VDAC1: variants seen among roughly 807,000 people sequenced by gnomAD.
VDAC1 encodes non-selective voltage-gated ion channel VDAC1.
Under a neutral mutation model 34.7 loss-of-function variants are expected in VDAC1, and 10 were observed. The observed-to-expected ratio is 0.29, with a 90% CI of 0.18 to 0.49. The LOEUF is 0.49. VDAC1 is among the 20% of genes least tolerant of loss of function. VDAC1 has a pLI of 0.99. For missense variants in VDAC1, 230 were observed against 347.9 expected (o/e 0.66, Z 2.69); for synonymous variants, 130 against 136.0 (o/e 0.96, Z 0.30).
At chr5:133,979,903 T>C (rs1026889638) in intron 6 of VDAC1, among the ~76,000 whole-genome samples, 2 of 152,228 alleles carry the variant, frequency 1.3e-5, no homozygotes, top group African/African-American at 4.8e-5. Flanking sequence ...TCCATCTCTA[T>C]AGTTTTCCTG....
the VDAC1 span, among the ~76,000 whole-genome samples, chr5:134,086,446 T>A: frequency 6.6e-6 from 1 of 152,092 alleles, no homozygotes; most frequent in Admixed American, 6.5e-5. Flanking sequence ...TCCCCAAGGG[T>A]GCTCGGATAT....
the VDAC1 span, among the ~76,000 whole-genome samples, chr5:134,020,437 C>T: frequency 6.6e-6 from 1 of 152,026 alleles, no homozygotes; most frequent in African/African-American, 2.4e-5. Flanking sequence ...CCAAGGACCC[C>T]ACCCCTTGTA....
chr5:134,034,933 T>C, the VDAC1 span, among the ~76,000 whole-genome samples: 2 of 152,042 alleles, frequency 1.3e-5, no homozygotes, highest in African/African-American at 4.8e-5. Flanking sequence ...ATGGTTTTTA[T>C]GGTAGATGGA....
At chr5:134,017,345 A>T in the VDAC1 span, among the ~76,000 whole-genome samples, 1 of 152,166 alleles carries the variant, frequency 6.6e-6, no homozygotes. Context: ...ACATGCCTGT[A>T]ATCCCAGCTA....
At chr5:133,975,573 G>A (rs981558211) in intron 7 of VDAC1, among the ~76,000 whole-genome samples, 1 of 151,384 alleles carries the variant, frequency 6.6e-6, no homozygotes, top group Non-Finnish European at 1.5e-5. Flanking sequence ...CAATTCTCCT[G>A]CCTCAGCCTC....
chr5:134,096,606 C>CTT, the VDAC1 span, among the ~76,000 whole-genome samples: 2 of 9,826 alleles, frequency 2.0e-4, no homozygotes, highest in Non-Finnish European at 3.5e-4. Flanking sequence ...TTCTCTTCTT[C>CTT]TTTTTTTTAT....
At chr5:134,005,388 A>G (rs951880936), upstream of VDAC1, 2 of 152,188 alleles carry the variant, frequency 1.3e-5, no homozygotes, top group Admixed American at 6.5e-5. Context: ...TCCGGATACA[A>G]TGTGTCTGGC....
chr5:134,057,400 A>G, the VDAC1 span, among the ~76,000 whole-genome samples: 1 of 152,084 alleles, frequency 6.6e-6, no homozygotes, highest in African/African-American at 2.4e-5. Context: ...GAATTGCTAG[A>G]ACCTGGGAGG....
chr5:133,992,785 A>C (rs974758780), intron 2 of VDAC1, among the ~76,000 whole-genome samples, 161 bp downstream of exon 2: 1 of 152,250 alleles, frequency 6.6e-6, no homozygotes, highest in African/African-American at 2.4e-5. Context: ...TGCACAACCA[A>C]AGTTGCTACA....
intron 6 of VDAC1, among the ~76,000 whole-genome samples, chr5:133,979,618 T>C (rs757877418): frequency 1.3e-4 from 20 of 151,994 alleles, no homozygotes; most frequent in Non-Finnish European, 2.1e-4. Flanking sequence ...TTAGTAGAGA[T>C]GGGGTTTCAC....
the VDAC1 span, among the ~76,000 whole-genome samples, chr5:134,093,704 C>T: frequency 6.6e-6 from 1 of 152,216 alleles, no homozygotes; most frequent in Non-Finnish European, 1.5e-5. Flanking sequence ...CGATCAGGCT[C>T]AAAGCAGTGG....
At chr5:134,095,949 C>A in the VDAC1 span, among the ~76,000 whole-genome samples, 1 of 152,210 alleles carries the variant, frequency 6.6e-6, no homozygotes, top group African/African-American at 2.4e-5. Flanking sequence ...GGGAGACAAG[C>A]CCAGAGCCAT....
At chr5:134,040,375 A>G in the VDAC1 span, among the ~76,000 whole-genome samples, 104,230 of 152,104 alleles carry the variant, frequency 0.69, 36,382 homozygotes, top group Admixed American at 0.78. Context: ...AGGAGTTCGA[A>G]ACCAGCCTGG....
the VDAC1 span, among the ~76,000 whole-genome samples, chr5:134,050,218 T>C: frequency 6.6e-5 from 10 of 152,134 alleles, no homozygotes; most frequent in South Asian, 2.1e-4. Flanking sequence ...CATTGCACTC[T>C]AGCCTGGCAA....
the VDAC1 span, among the ~76,000 whole-genome samples, chr5:134,088,088 G>A: frequency 1.3e-5 from 2 of 152,230 alleles, no homozygotes; most frequent in East Asian, 1.9e-4. Flanking sequence ...CCAGGAGGCA[G>A]AGGTTGCAGT....
the VDAC1 span, among the ~76,000 whole-genome samples, chr5:134,024,742 G>C: frequency 6.6e-6 from 1 of 152,362 alleles, no homozygotes; most frequent in African/African-American, 2.4e-5. Context: ...TGTGGTTGCA[G>C]GAACACTGTG....
the VDAC1 span, among the ~76,000 whole-genome samples, chr5:134,102,265 G>A: frequency 6.6e-6 from 1 of 152,114 alleles, no homozygotes; most frequent in Non-Finnish European, 1.5e-5. Flanking sequence ...AGGGTCATCC[G>A]GGGCCAGTGC....
chr5:133,998,092 A>C (rs556752631), intron 1 of VDAC1, among the ~76,000 whole-genome samples: 47 of 151,918 alleles, frequency 3.1e-4, no homozygotes, highest in Admixed American at 4.6e-4. Flanking sequence ...AAAAAGAAAG[A>C]AAGCTAGCTA....
chr5:134,011,754 A>G, the VDAC1 span, among the ~76,000 whole-genome samples: 11 of 150,808 alleles, frequency 7.3e-5, no homozygotes, highest in African/African-American at 2.7e-4. Context: ...ATTCTTATGC[A>G]TCAGCCTCCC....
Sources: allele counts gnomAD v4.1 joint callset (sites outside exome capture counted in the v4.1 genomes callset), GRCh38; gene constraint gnomAD v4.1.1; transcripts MANE v1.5; gene names NCBI Gene and HGNC (gene_info 2026-07-23, HGNC 2026-07-21).